PAK5: variants seen among roughly 807,000 people sequenced by gnomAD.
The protein encoded by PAK5 is p21 (RAC1) activated kinase 5, also known as serine/threonine-protein kinase PAK 5.
Under a neutral mutation model 65.9 loss-of-function variants are expected in PAK5, and 16 were observed. The observed-to-expected ratio is 0.24, with a 90% CI of 0.16 to 0.37. The LOEUF is 0.37. Among genes scored for constraint, PAK5 ranks in the 10% least tolerant of loss-of-function variants. The pLI is 1.00. For synonymous variants in PAK5, 371 were observed against 354.9 expected (o/e 1.05, Z -0.51); for missense variants, 785 against 903.9 (o/e 0.87, Z 1.69).
chr20:9,679,476 G>T (rs915428120), intron 2 of PAK5, among the ~76,000 whole-genome samples: 3 of 152,088 alleles, frequency 2.0e-5, no homozygotes, highest in African/African-American at 7.2e-5. Flanking sequence ...CTGTGCATCT[G>T]TCTCTTCCAT....
chr20:9,719,527 C>CT (rs141529075), intron 1 of PAK5, among the ~76,000 whole-genome samples: 45 of 152,028 alleles, frequency 3.0e-4, no homozygotes, highest in East Asian at 2.7e-3. Flanking sequence ...CACATTACTG[C>CT]TTTTTTTTCC....
At chr20:9,583,026 A>ATTT (rs2046006961) in intron 3 of PAK5, among the ~76,000 whole-genome samples, 1 of 152,078 alleles carries the variant, frequency 6.6e-6, no homozygotes, top group Admixed American at 6.6e-5. Flanking sequence ...CTTCCCCCCA[A>ATTT]ATCAGGCATT....
At chr20:9,782,174 T>C (rs2048947519) in intron 1 of PAK5, among the ~76,000 whole-genome samples, 1 of 152,186 alleles carries the variant, frequency 6.6e-6, no homozygotes, top group Admixed American at 6.6e-5. Flanking sequence ...CACTGTCATC[T>C]ATTCCATCTT....
chr20:9,611,648 C>T (rs2046562786), intron 3 of PAK5, among the ~76,000 whole-genome samples: 1 of 152,200 alleles, frequency 6.6e-6, no homozygotes, highest in Non-Finnish European at 1.5e-5. Flanking sequence ...TAAACTTCAG[C>T]CTGTCTGTTT....
chr20:9,587,101 T>C (rs1196026603), intron 3 of PAK5, among the ~76,000 whole-genome samples: 1 of 152,180 alleles, frequency 6.6e-6, no homozygotes, highest in Non-Finnish European at 1.5e-5. Context: ...TACAAAGTAC[T>C]TATAAGTGCT....
chr20:9,621,989 G>A (rs946614369), intron 3 of PAK5, among the ~76,000 whole-genome samples: 3 of 152,032 alleles, frequency 2.0e-5, no homozygotes, highest in Non-Finnish European at 4.4e-5. Context: ...ATTCTGTCAC[G>A]GGTGCCTCCT....
At chr20:9,798,222 A>G (rs888268709) in intron 1 of PAK5, among the ~76,000 whole-genome samples, 3 of 150,366 alleles carry the variant, frequency 2.0e-5, no homozygotes, top group African/African-American at 4.9e-5. Flanking sequence ...AGGTTGCAGA[A>G]AAAGTAGAGT....
At chr20:9,818,076 C>G (rs760709070) in intron 1 of PAK5, among the ~76,000 whole-genome samples, 1 of 152,062 alleles carries the variant, frequency 6.6e-6, no homozygotes, top group Non-Finnish European at 1.5e-5. Flanking sequence ...GAGTAAACAC[C>G]CTTGGTATCT....
chr20:9,589,161 G>C (rs1319962684), intron 3 of PAK5, among the ~76,000 whole-genome samples: 1 of 152,198 alleles, frequency 6.6e-6, no homozygotes, highest in African/African-American at 2.4e-5. Flanking sequence ...AGCTCAGGAG[G>C]TTAATAAGCT....
At position 9,798,637 on chromosome 20, in the gene PAK5, T is replaced by C. The variant is rs925554978; in HGVS notation, c.-162+40125A>G. ...GAAGAGGAAAGGCAAGATATAAAATTATTTGCAGACAATGGAAAAAGTAGC... is the reference window on the plus strand; with the variant it reads ...GAAGAGGAAAGGCAAGATATAAAATCATTTGCAGACAATGGAAAAAGTAGC... On this transcript the variant is annotated intron_variant, in intron 1 of 9. Coordinates refer to ENST00000353224, the MANE Select transcript of PAK5 (RefSeq NM_177990.4). Among the ~76,000 whole-genome samples, 6 of 152,242 alleles carry C rather than the reference T, an allele frequency of 3.9e-5. No individual in the cohort carries two copies. In the East Asian group the frequency reaches 1.2e-3, roughly 29 times the overall value.
At chr20:9,786,624 C>T (rs1427490698) in intron 1 of PAK5, among the ~76,000 whole-genome samples, 1 of 152,044 alleles carries the variant, frequency 6.6e-6, no homozygotes, top group African/African-American at 2.4e-5. Context: ...GTTATCAAAG[C>T]CACAGAAGCT....
intron 3 of PAK5, among the ~76,000 whole-genome samples, chr20:9,594,840 A>T (rs1198057076): frequency 6.6e-6 from 1 of 152,056 alleles, no homozygotes; most frequent in Non-Finnish European, 1.5e-5. Flanking sequence ...TTGGTCCACA[A>T]CCATTTGCCT....
At chr20:9,746,382 G>A (rs1159165180) in intron 1 of PAK5, among the ~76,000 whole-genome samples, 1 of 152,088 alleles carries the variant, frequency 6.6e-6, no homozygotes, top group African/African-American at 2.4e-5. Flanking sequence ...AAAGCCAACA[G>A]TACCAAATCT....
intron 7 of PAK5, among the ~76,000 whole-genome samples, chr20:9,548,721 T>C (rs565488640): frequency 1.1e-4 from 17 of 152,198 alleles, no homozygotes; most frequent in African/African-American, 7.2e-5. Flanking sequence ...AGAAGACACA[T>C]TGAAGCTCTT....
At chr20:9,631,708 C>CA (rs1430777661) in intron 3 of PAK5, among the ~76,000 whole-genome samples, 9 of 152,222 alleles carry the variant, frequency 5.9e-5, no homozygotes, top group African/African-American at 2.2e-4. Context: ...AATTGTCATG[C>CA]AGTAATAGAA....
chr20:9,702,345 A>G (rs2123464975), intron 2 of PAK5, among the ~76,000 whole-genome samples: 1 of 152,176 alleles, frequency 6.6e-6, no homozygotes, highest in Non-Finnish European at 1.5e-5. Context: ...TAGAGGCCCT[A>G]AGGATTCCTG....
rs76740324 is a variant in PAK5, at chr20:9,701,098, C to A, written c.-12+10188G>T. On this transcript the variant is annotated intron_variant, in intron 2 of 9. Transcript: ENST00000353224. ...CACCCCCTGCCTACTTTGCCTTACA[C>A]CGTGTGGTCTCCACAGGCATGAGAA... 3.5e-3 allele frequency among the ~76,000 whole-genome samples: 534 copies of A among 152,252 alleles called. 3 individuals are homozygous for A. Among genetic ancestry groups the A allele is most frequent in the African/African-American group, 0.012 (495 of 41,540 alleles).
intron 2 of PAK5, among the ~76,000 whole-genome samples, chr20:9,665,083 C>CTTTTTTTTTTTTTTTTTTTTTT (rs1555910631): frequency 7.0e-5 from 3 of 42,580 alleles, no homozygotes; most frequent in African/African-American, 3.4e-4. Flanking sequence ...CTAAATTTTT[C>CTTTTTTTTTTTTTTTTTTTTTT]TGTTTTTTTT....
At chr20:9,579,876 A>G (rs1470918794) in intron 4 of PAK5, among the ~76,000 whole-genome samples, 2 of 152,186 alleles carry the variant, frequency 1.3e-5, no homozygotes, top group Non-Finnish European at 2.9e-5. Flanking sequence ...TCAGAATTCT[A>G]TCTTTCAAAT....
Sources: gnomAD v4.1 joint callset for allele counts (sites outside exome capture counted in the v4.1 genomes callset) on GRCh38, gnomAD v4.1.1 for gene constraint, MANE v1.5 for transcripts, NCBI Gene and HGNC (gene_info 2026-07-23, HGNC 2026-07-21) for gene names.